The following PDE11A variants were observed in gnomAD, a reference collection of about 807,000 sequenced individuals.
PDE11A encodes the protein phosphodiesterase 11A, also known as dual 3',5'-cyclic-AMP and -GMP phosphodiesterase 11A.
In PDE11A, 100 loss-of-function variants were observed where a neutral mutation model predicts 100.5. The observed-to-expected ratio is 1.00, with a 90% CI of 0.85 to 1.18. The LOEUF (loss-of-function observed/expected upper bound fraction) is 1.18, where lower values mean the gene tolerates loss of function less well. PDE11A is among the 50% of genes most tolerant of loss of function. PDE11A has a pLI of 0.00. For synonymous variants in PDE11A, 381 were observed against 420.8 expected (o/e 0.91, Z 1.16); for missense variants, 1,141 against 1,152.6 (o/e 0.99, Z 0.15).
chr2:178,006,835 G>GGGA (rs1553499863), intron 2 of PDE11A, among the ~76,000 whole-genome samples: 3 of 151,466 alleles, frequency 2.0e-5, no homozygotes, highest in African/African-American at 7.3e-5. Context: ...GGGGGGGGGG[G>GGGA]AAGCCAATGC....
chr2:177,909,315 C>G (rs2084841292), intron 2 of PDE11A, among the ~76,000 whole-genome samples: 1 of 152,184 alleles, frequency 6.6e-6, no homozygotes, highest in Non-Finnish European at 1.5e-5. Context: ...GCTCCTATAA[C>G]AGCATCCAAA....
chr2:177,934,739 G>A (rs2085251047), intron 2 of PDE11A, among the ~76,000 whole-genome samples: 1 of 152,174 alleles, frequency 6.6e-6, no homozygotes, highest in South Asian at 2.1e-4. Context: ...CAGCCTAGAT[G>A]CCCATCAACA....
intron 2 of PDE11A, among the ~76,000 whole-genome samples, chr2:177,913,454 C>A (rs978000647): frequency 6.6e-6 from 1 of 152,028 alleles, no homozygotes; most frequent in African/African-American, 2.4e-5. Context: ...TTACTTTTTG[C>A]TAAAAGAAAA....
intron 15 of PDE11A, among the ~76,000 whole-genome samples, chr2:177,692,854 A>T (rs1400268022): frequency 6.6e-6 from 1 of 152,184 alleles, no homozygotes; most frequent in Non-Finnish European, 1.5e-5. Context: ...ATGTTTTGAA[A>T]GCCTTTCCAC....
chr2:177,875,878 T>A lies in PDE11A; in HGVS notation c.1348A>T (p.Ser450Cys). 1 of 1,611,948 alleles carries A rather than the reference T, an allele frequency of 6.2e-7. No homozygotes were observed. Among genetic ancestry groups the A allele is most frequent in the Non-Finnish European group, 8.5e-7 (1 of 1,178,032 alleles). ...CCCTACCTGTTCTCAGCATCAGCAC[T>A]GCACTTTGGGGACATCAATTCAAAG... Reference protein sequence around the residue: ...KSFELMSPKCSADAENSFKES... With the variant: ...KSFELMSPKCCADAENSFKES... Residue 450 changes from serine (S) to cysteine (C), a missense_variant, in exon 5 of 20, where the codon AGT (serine) becomes TGT (cysteine). Transcript: ENST00000286063.
chr2:177,792,270 T>A (rs2082643931), intron 9 of PDE11A, among the ~76,000 whole-genome samples: 1 of 152,220 alleles, frequency 6.6e-6, no homozygotes, highest in Non-Finnish European at 1.5e-5. Flanking sequence ...CATAGCATTC[T>A]TCGGGTATAA....
intron 10 of PDE11A, among the ~76,000 whole-genome samples, chr2:177,730,944 T>C (rs2081679043): frequency 6.6e-6 from 1 of 152,116 alleles, no homozygotes; most frequent in East Asian, 1.9e-4. Context: ...AATTCCCCAT[T>C]TCCTCCTCCT....
chr2:177,717,414 CAG>C (rs1214761611), intron 12 of PDE11A, among the ~76,000 whole-genome samples: 2 of 150,668 alleles, frequency 1.3e-5, no homozygotes, highest in Admixed American at 6.7e-5. Flanking sequence ...CAAAAGAAAA[CAG>C]AGAGGCGGCA....
At chr2:178,107,611 C>T (rs377462920) in intron 1 of PDE11A, among the ~76,000 whole-genome samples, 4 of 151,088 alleles carry the variant, frequency 2.6e-5, no homozygotes, top group East Asian at 1.9e-4. Context: ...ATGTAGAAAA[C>T]GAGGCAAACA....
At chr2:177,867,721 G>A (rs866537188) in intron 5 of PDE11A, among the ~76,000 whole-genome samples, 2 of 151,944 alleles carry the variant, frequency 1.3e-5, no homozygotes, top group Non-Finnish European at 2.9e-5. Flanking sequence ...GCGAGACTCC[G>A]TCTCAAAAAA....
intron 1 of PDE11A, among the ~76,000 whole-genome samples, chr2:178,021,422 A>G (rs2086410351): frequency 6.6e-6 from 1 of 152,234 alleles, no homozygotes; most frequent in Admixed American, 6.5e-5. Context: ...ACAATTATGT[A>G]CTTTCTTAAT....
In PDE11A at chr2:177,758,296, C is replaced by CAAA. The variant is rs78765770; in HGVS notation, c.1788+11024_1788+11026dup. On this transcript the variant is annotated intron_variant, in intron 10 of 19. Coordinates refer to ENST00000286063, the MANE Select transcript of PDE11A (RefSeq NM_016953.4). ...TGGGTGAGAGTGCAAGACTCCGTCT[C>CAAA]AAAAAAAAAAAAAAAAAAAAAAAGA... Among the ~76,000 whole-genome samples, 50 of 64,924 alleles carry CAAA rather than the reference C, an allele frequency of 7.7e-4. 1 individual carries two copies. The highest frequency in any genetic ancestry group is 1.9e-3 in the African/African-American group (34 of 17,630). 42.6% of individuals were successfully genotyped at this position (64,924 alleles called of 152,430 possible). A position where few individuals can be genotyped will look rare whatever the true frequency, so the allele number is the denominator to read the frequency against.
intron 10 of PDE11A, among the ~76,000 whole-genome samples, chr2:177,764,173 G>A (rs991562918): frequency 2.6e-5 from 4 of 152,126 alleles, no homozygotes; most frequent in African/African-American, 9.7e-5. Context: ...AATGCCACAA[G>A]GAGTACCTAT....
At chr2:177,832,186 T>A (rs2083321302) in intron 6 of PDE11A, among the ~76,000 whole-genome samples, 1 of 152,100 alleles carries the variant, frequency 6.6e-6, no homozygotes, top group Non-Finnish European at 1.5e-5. Flanking sequence ...TAATACTGAG[T>A]GTTAACTTGA....
chr2:177,778,908 C>A (rs1049300680), intron 9 of PDE11A, among the ~76,000 whole-genome samples: 6 of 152,044 alleles, frequency 3.9e-5, no homozygotes, highest in African/African-American at 1.2e-4. Context: ...TTATCATGAC[C>A]TTCAGAATCG....
chr2:178,002,330 A>G (rs1470196098), intron 2 of PDE11A, among the ~76,000 whole-genome samples: 1 of 152,088 alleles, frequency 6.6e-6, no homozygotes, highest in Non-Finnish European at 1.5e-5. Context: ...ATGGGCATCT[A>G]GGTTGATTCC....
chr2:177,710,196 G>A (rs936523428), intron 13 of PDE11A, among the ~76,000 whole-genome samples: 2 of 152,046 alleles, frequency 1.3e-5, no homozygotes, highest in Non-Finnish European at 2.9e-5. Context: ...GATTAGCCTC[G>A]GACGAGGGAA....
chr2:177,711,659 G>T, intron 13 of PDE11A, 110 bp downstream of exon 13: 1 of 726,406 alleles, frequency 1.4e-6, no homozygotes, highest in Non-Finnish European at 2.5e-6. Context: ...AGCCTGCATG[G>T]CCTTGGCCTC....
chr2:177,660,097 T>TTCTTTCTTTC (rs1406827529), intron 19 of PDE11A, among the ~76,000 whole-genome samples: 837 of 68,988 alleles, frequency 0.012, 9 homozygotes, highest in African/African-American at 0.015. Context: ...CTTTCTTTCT[T>TTCTTTCTTTC]TCTCTCTCTC....
Sources: gnomAD v4.1 joint callset for allele counts (sites outside exome capture counted in the v4.1 genomes callset) on GRCh38, gnomAD v4.1.1 for gene constraint, MANE v1.5 for transcripts, NCBI Gene and HGNC (gene_info 2026-07-23, HGNC 2026-07-21) for gene names.